The following CDS2 variants were observed in gnomAD, a reference collection of about 807,000 sequenced individuals.
CDS2 encodes CDP-diacylglycerol synthase 2.
CDS2 carries 47 observed loss-of-function variants against 59.0 expected under a neutral mutation model. That is an observed-to-expected ratio of 0.80 (90% confidence interval 0.63 to 1.02). The LOEUF (loss-of-function observed/expected upper bound fraction) is 1.02. CDS2 is among the 50% of genes least tolerant of loss of function. The pLI is 0.00. For missense variants in CDS2, 356 were observed against 558.9 expected, an observed-to-expected ratio of 0.64 and a Z score of 3.66; for synonymous variants, 207 against 206.4, an observed-to-expected ratio of 1.00 and a Z score of -0.02.
At chr20:5,160,487 A>G (rs2090868557) in intron 1 of CDS2, among the ~76,000 whole-genome samples, 1 of 152,144 alleles carries the variant, frequency 6.6e-6, no homozygotes, top group Admixed American at 6.5e-5. Flanking sequence ...GACTGTCTGC[A>G]TTGTCCAGTA....
At position 5,189,103 on chromosome 20, in the gene CDS2, ATCG is replaced by A; in HGVS notation, c.1019_1021del (p.Ile340_Ala341delinsThr). The A allele has an allele frequency of 1.9e-6, 3 of 1,614,200 alleles. No homozygotes were observed. Among genetic ancestry groups the A allele is most frequent in the Non-Finnish European group, 2.5e-6 (3 of 1,180,020 alleles). On this transcript the variant is annotated inframe_deletion, in exon 11 of 13. Transcript: ENST00000460006. ...GATGTACCCCTTCCAGATTCACAGCATCGCTCTCTCCACCTTTGCCTCGCTCAT... is the reference window on the plus strand; with the variant it reads ...GATGTACCCCTTCCAGATTCACAGCACTCTCTCCACCTTTGCCTCGCTCAT...
intron 1 of CDS2, among the ~76,000 whole-genome samples, chr20:5,138,453 G>T (rs1200330553): frequency 6.6e-6 from 1 of 151,702 alleles, no homozygotes; most frequent in Non-Finnish European, 1.5e-5. Flanking sequence ...TATTTGTCTG[G>T]GTGTCTGTTT....
chr20:5,129,185 G>T (rs2090582067), intron 1 of CDS2, among the ~76,000 whole-genome samples: 1 of 152,122 alleles, frequency 6.6e-6, no homozygotes, highest in African/African-American at 2.4e-5. Context: ...TCTGTTAAAA[G>T]CCTGATGTTC....
At chr20:5,158,263 G>A (rs1433518562) in intron 1 of CDS2, among the ~76,000 whole-genome samples, 1 of 150,142 alleles carries the variant, frequency 6.7e-6, no homozygotes, top group Non-Finnish European at 1.5e-5. Context: ...TCTGCCTCTC[G>A]AGATCAAGTG....
chr20:5,168,368 T>C (rs1600498484), intron 1 of CDS2, among the ~76,000 whole-genome samples: 1 of 149,836 alleles, frequency 6.7e-6, no homozygotes, highest in Admixed American at 6.7e-5. Context: ...TGAGCCAAGA[T>C]TGTGCCACTG....
intron 1 of CDS2, among the ~76,000 whole-genome samples, chr20:5,158,361 G>A (rs1359632890): frequency 6.6e-6 from 1 of 151,894 alleles, no homozygotes; most frequent in African/African-American, 2.4e-5. Context: ...TAGTACAGAC[G>A]GGGTTTCACC....
rs2091133291 is a variant in CDS2 at position 5,193,401 on chromosome 20, G to A, written c.*3167G>A. 1 of 152,162 alleles carries A rather than the reference G, an allele frequency of 6.6e-6. No individual in the cohort carries two copies. Among genetic ancestry groups the A allele is most frequent in the Admixed American group, 6.5e-5 (1 of 15,284 alleles). The allele number at this position is 152,162 out of a possible 1,614,324, so 9.4% of individuals were successfully genotyped here. A position where few individuals can be genotyped will look rare whatever the true frequency, so the allele number is the denominator to read the frequency against. On this transcript the variant is annotated 3_prime_UTR_variant, in exon 13 of 13. Transcript: ENST00000460006. ...TTTCATTGGGGAGGATACAACTTTT[G>A]ACTTTACACAGGTGGACTTTGAATC... is the stretch of plus-strand genomic sequence containing the variant.
At chr20:5,127,491 T>C (rs914166383) in intron 1 of CDS2, among the ~76,000 whole-genome samples, 2 of 152,188 alleles carry the variant, frequency 1.3e-5, no homozygotes, top group Non-Finnish European at 2.9e-5. Context: ...GGTGAAGATA[T>C]GCAGAGCCTT....
chr20:5,159,847 TA>T (rs899671141), intron 1 of CDS2, among the ~76,000 whole-genome samples: 6 of 151,986 alleles, frequency 3.9e-5, no homozygotes, highest in Non-Finnish European at 5.9e-5. Flanking sequence ...TGTTTTTACT[TA>T]AAAAAAATGG....
chr20:5,142,700 G>A (rs2090705085), intron 1 of CDS2, among the ~76,000 whole-genome samples: 1 of 152,138 alleles, frequency 6.6e-6, no homozygotes. Flanking sequence ...TATGTTTATT[G>A]AACCACAGTA....
chr20:5,167,812 A>C (rs1410524331), intron 1 of CDS2, among the ~76,000 whole-genome samples: 1 of 152,182 alleles, frequency 6.6e-6, no homozygotes, highest in East Asian at 1.9e-4. Context: ...CTCCAGGAGA[A>C]AGTTGATAAT....
At chr20:5,149,279 T>C (rs1197510171) in intron 1 of CDS2, among the ~76,000 whole-genome samples, 1 of 152,240 alleles carries the variant, frequency 6.6e-6, no homozygotes, top group Non-Finnish European at 1.5e-5. Context: ...TATTTAAATA[T>C]ACATGCTATT....
chr20:5,174,619 G>A (rs982161145), intron 2 of CDS2, among the ~76,000 whole-genome samples: 8 of 151,954 alleles, frequency 5.3e-5, no homozygotes, highest in Non-Finnish European at 5.9e-5. Flanking sequence ...CAGCTACTCG[G>A]GAGGCTGAGG....
intron 1 of CDS2, among the ~76,000 whole-genome samples, chr20:5,152,450 T>C (rs982708680): frequency 1.3e-5 from 2 of 152,120 alleles, no homozygotes; most frequent in African/African-American, 2.4e-5. Flanking sequence ...TAAGAATTAG[T>C]CTCCAGGCAG....
At chr20:5,173,111 G>A (rs564192270) in intron 1 of CDS2, among the ~76,000 whole-genome samples, 1 of 152,340 alleles carries the variant, frequency 6.6e-6, no homozygotes, top group South Asian at 2.1e-4. Flanking sequence ...GTCTACAGGG[G>A]CAACAGCCTC....
intron 1 of CDS2, among the ~76,000 whole-genome samples, chr20:5,137,725 GA>G (rs2090659297): frequency 6.6e-6 from 1 of 151,632 alleles, no homozygotes; most frequent in South Asian, 2.1e-4. Context: ...GGGGCAGGAG[GA>G]TCACTTGAGC....
intron 7 of CDS2, among the ~76,000 whole-genome samples, chr20:5,183,412 A>G (rs1691753537): frequency 6.6e-6 from 1 of 152,230 alleles, no homozygotes; most frequent in Admixed American, 6.5e-5. Flanking sequence ...CTAGACTAAT[A>G]GGTACAGGAA....
rs1180873044 is a variant in CDS2 at position 5,194,261 on chromosome 20, C to T, written c.*4027C>T. ...GAGATGAACAGCTCTCACTTCCTGA[C>T]TCAGTTTCTCTTGTTGGGTGGGGGC... is the stretch of plus-strand genomic sequence containing the variant. On this transcript the variant is annotated 3_prime_UTR_variant, in exon 13 of 13. Transcript: ENST00000460006. 1 of 152,494 alleles carries T rather than the reference C, an allele frequency of 6.6e-6. No homozygotes were observed. Among genetic ancestry groups the T allele is most frequent in the South Asian group, 2.1e-4 (1 of 4,832 alleles). 9.4% of individuals were successfully genotyped at this position (152,494 alleles called of 1,614,324 possible). A position where few individuals can be genotyped will look rare whatever the true frequency, so the allele number is the denominator to read the frequency against.
chr20:5,135,208 G>A (rs868451190), intron 1 of CDS2, among the ~76,000 whole-genome samples: 60 of 152,138 alleles, frequency 3.9e-4, no homozygotes, highest in African/African-American at 1.2e-3. Context: ...CTGGTACAGC[G>A]TGAGCCACCG....
Sources: gnomAD v4.1 joint callset for allele counts (sites outside exome capture counted in the v4.1 genomes callset) on GRCh38, gnomAD v4.1.1 for gene constraint, MANE v1.5 for transcripts, NCBI Gene and HGNC (gene_info 2026-07-23, HGNC 2026-07-21) for gene names.